The following SENP2 variants were observed in gnomAD, a reference collection of about 807,000 sequenced individuals.
The protein encoded by SENP2 is sentrin-specific protease 2.
Under a neutral mutation model 86.3 loss-of-function variants are expected in SENP2, and 16 were observed. The observed-to-expected ratio is 0.19, with a 90% CI of 0.13 to 0.28. The LOEUF (loss-of-function observed/expected upper bound fraction) is 0.28, where lower values mean the gene tolerates loss of function less well. Ranked by LOEUF, SENP2 falls within the 10% of genes least tolerant of loss-of-function variation. The pLI, the probability that SENP2 is intolerant of heterozygous loss-of-function variation, is 1.00. For missense variants in SENP2, 552 were observed against 703.0 expected, an observed-to-expected ratio of 0.79 and a Z score of 2.43; for synonymous variants, 222 against 238.7, an observed-to-expected ratio of 0.93 and a Z score of 0.64.
rs561303335 is a variant in SENP2, at chr3:185,611,718, A to G, written c.790A>G (p.Lys264Glu). Residue 264 changes from lysine to glutamate, a missense_variant, in exon 8 of 17, where the codon AAA becomes GAA. Lys to Glu is a moderately conservative substitution (Grantham distance 56, BLOSUM62 1). Around this residue, in one of 2 missense-constraint regions of SENP2, gnomAD observed 383 missense variants for 427.3 expected, o/e 0.90. Transcript: ENST00000296257. The stretch of plus-strand genomic sequence containing the variant: ...GGGGGAAGAGCAAAATCACGGAGTC[A>G]AAACAACTCAGTTTGTTCCAAAACA... Reference protein sequence around the residue: ...GWGEEQNHGVKTTQFVPKQYR... With the variant: ...GWGEEQNHGVETTQFVPKQYR... The G allele has an allele frequency of 1.2e-4, 196 of 1,613,448 alleles. 1 individual carries two copies. The South Asian group carries it at 2.1e-3, about 17-fold the overall frequency.
At chr3:185,622,470 CTTCTT>C (rs1423233090) in intron 14 of SENP2, among the ~76,000 whole-genome samples, 10 of 152,118 alleles carry the variant, frequency 6.6e-5, no homozygotes, top group Non-Finnish European at 1.5e-4. Flanking sequence ...AATGAAGTTC[CTTCTT>C]TTAACTTTAC....
At chr3:185,615,762 G>T (rs1208875218) in intron 11 of SENP2, among the ~76,000 whole-genome samples, 2 of 152,178 alleles carry the variant, frequency 1.3e-5, no homozygotes, top group African/African-American at 4.8e-5. Context: ...TCAATTGCTA[G>T]ACTGCTGGGT....
chr3:185,611,777 T>A (rs990499991), intron 8 of SENP2, 32 bp downstream of exon 8: 2 of 1,456,974 alleles, frequency 1.4e-6, no homozygotes, highest in African/African-American at 2.8e-5. Flanking sequence ...TGTCTTAATA[T>A]ATTGACCTTA....
At chr3:185,598,660 T>C (rs919479622) in intron 3 of SENP2, 115 bp downstream of exon 3, 9 of 1,063,280 alleles carry the variant, frequency 8.5e-6, no homozygotes, top group Admixed American at 2.9e-5. Flanking sequence ...CAGAAATATC[T>C]GTATCTTTAT....
chr3:185,611,883 G>A lies in SENP2; in HGVS notation c.817+138G>A, dbSNP rs115158226. The A allele has an allele frequency of 1.1e-3, 749 of 666,858 alleles. 5 individuals carry two copies. In the African/African-American group the frequency reaches 0.012, roughly 10 times the overall value. 41.3% of individuals were successfully genotyped at this position (666,858 alleles called of 1,614,324 possible). A position where few individuals can be genotyped will look rare whatever the true frequency, so the allele number is the denominator to read the frequency against. On this transcript the variant is annotated intron_variant, in intron 8 of 16. Coordinates refer to ENST00000296257, the MANE Select transcript of SENP2 (RefSeq NM_021627.3). ...CAAATCTCACAGCATTGGGCCGGGCGCGGTGGCTTACGCCTGCAATCCCAG... is the reference window on the plus strand; with the variant it reads ...CAAATCTCACAGCATTGGGCCGGGCACGGTGGCTTACGCCTGCAATCCCAG...
Position 185,624,081 on chromosome 3 carries a change from A to C in SENP2, c.1610A>C (p.His537Pro). Residue 537 changes from histidine to proline, a missense_variant and splice_region_variant, in exon 15 of 17, where the codon CAC becomes CCC. This residue lies in a region of SENP2 where 169 missense variants were observed against 275.7 expected (regional missense o/e 0.61). Transcript: ENST00000296257. ...LEWTHHSMKP[H>P]EIPQQLNGSD... ...TGGACCCATCACAGCATGAAACCAC[A>C]CGTGAGTGACGATCATCTACATGTG... 1.3e-6 allele frequency: 2 copies of C among 1,599,866 alleles called. No individual in the cohort carries two copies. Among genetic ancestry groups the C allele is most frequent in the Non-Finnish European group, 1.7e-6 (2 of 1,169,606 alleles).
At chr3:185,596,114 T>G (rs1043463208) in intron 2 of SENP2, among the ~76,000 whole-genome samples, 2 of 152,080 alleles carry the variant, frequency 1.3e-5, no homozygotes, top group African/African-American at 4.8e-5. Context: ...TATAGGTGTG[T>G]GCCATGACGC....
intron 5 of SENP2, among the ~76,000 whole-genome samples, chr3:185,606,081 G>C (rs550780714): frequency 6.6e-6 from 1 of 152,190 alleles, no homozygotes; most frequent in South Asian, 2.1e-4. Flanking sequence ...GTTGGAAATG[G>C]GCATGAAGAG....
At chr3:185,616,013 C>T (rs1207443095) in intron 11 of SENP2, among the ~76,000 whole-genome samples, 1 of 151,772 alleles carries the variant, frequency 6.6e-6, no homozygotes, top group African/African-American at 2.4e-5. Flanking sequence ...CAGGCGCGTG[C>T]CACCACGCCC....
At chr3:185,613,270 T>G (rs1722752910) in intron 9 of SENP2, 75 bp from the exon 10 acceptor site, 7 of 890,260 alleles carry the variant, frequency 7.9e-6, no homozygotes, top group Non-Finnish European at 1.3e-5. Flanking sequence ...TTACGAAATC[T>G]TATTTCTAAA....
chr3:185,617,436 A>G, intron 11 of SENP2, 44 bp from the exon 12 acceptor site: 1 of 1,525,266 alleles, frequency 6.6e-7, no homozygotes, highest in East Asian at 2.3e-5. Flanking sequence ...CTGATAATGA[A>G]TGGTTCTATA....
At chr3:185,588,978 G>C (rs1015082614) in intron 1 of SENP2, among the ~76,000 whole-genome samples, 2 of 152,154 alleles carry the variant, frequency 1.3e-5, no homozygotes, top group Non-Finnish European at 2.9e-5. Flanking sequence ...ACACTTCTCA[G>C]TGTAAACCAA....
rs780363131 is a variant in SENP2 at position 185,600,850 on chromosome 3, C to G, written c.444C>G (p.Ser148=). The change falls in exon 5 of 17, where the codon TCC becomes TCG. Residue 148 remains serine, a synonymous_variant. Transcript: ENST00000296257. ...TRDQPRRVLP[S]FGFTLNSEGC... Reference sequence around the variant, plus strand: ...ATCAGCCACGCAGAGTCCTGCCTTCCTTTGGGTAAGTGTTAAATTCTTTCT... The same window carrying G: ...ATCAGCCACGCAGAGTCCTGCCTTCGTTTGGGTAAGTGTTAAATTCTTTCT... 6 of 1,604,548 alleles carry G rather than the reference C, an allele frequency of 3.7e-6. No homozygotes were observed. The highest frequency in any genetic ancestry group is 5.1e-6 in the Non-Finnish European group (6 of 1,171,746).
At chr3:185,608,091 T>C (rs1722576121) in intron 6 of SENP2, among the ~76,000 whole-genome samples, 1 of 152,230 alleles carries the variant, frequency 6.6e-6, no homozygotes, top group Non-Finnish European at 1.5e-5. Context: ...AAATATTTAT[T>C]GGGGTCCCAG....
intron 6 of SENP2, 179 bp downstream of exon 6, chr3:185,606,677 A>T: frequency 1.7e-6 from 1 of 589,388 alleles, no homozygotes; most frequent in Non-Finnish European, 3.0e-6. Flanking sequence ...TGCATGCAGC[A>T]TGTGCCCAGG....
At chr3:185,620,000 T>C (rs2034344) in intron 13 of SENP2, among the ~76,000 whole-genome samples, 59,425 of 151,490 alleles carry the variant, frequency 0.39, 12,042 homozygotes, top group South Asian at 0.56. Context: ...TTTCAAAGTG[T>C]TGGTATTACA....
At chr3:185,590,323 G>A (rs1483697008) in intron 2 of SENP2, among the ~76,000 whole-genome samples, 154 bp downstream of exon 2, 5 of 152,158 alleles carry the variant, frequency 3.3e-5, no homozygotes, top group Admixed American at 6.6e-5. Flanking sequence ...CAAGGCAGGC[G>A]GATCACCTGA....
At chr3:185,599,923 C>T (rs1238073091) in intron 4 of SENP2, among the ~76,000 whole-genome samples, 3 of 151,694 alleles carry the variant, frequency 2.0e-5, no homozygotes, top group African/African-American at 4.8e-5. Flanking sequence ...CTCAGCCTCC[C>T]GAGGAGCTGG....
intron 2 of SENP2, among the ~76,000 whole-genome samples, chr3:185,594,024 G>T (rs760985725): frequency 6.6e-6 from 1 of 151,850 alleles, no homozygotes; most frequent in African/African-American, 2.4e-5. Context: ...CACCTCACCC[G>T]GCTGTGTTTT....
Sources: allele counts gnomAD v4.1 joint callset (sites outside exome capture counted in the v4.1 genomes callset), GRCh38; gene constraint gnomAD v4.1.1; regional missense constraint gnomAD v4.1.1; transcripts MANE v1.5; gene names NCBI Gene and HGNC (gene_info 2026-07-23, HGNC 2026-07-21).